DIP2B: variants seen among roughly 807,000 people sequenced by gnomAD.
DIP2B encodes disco-interacting protein 2 homolog B.
A neutral mutation model predicts 198.0 loss-of-function variants in DIP2B; 76 were observed. That is an observed-to-expected ratio of 0.38 (90% CI 0.32 to 0.46). The LOEUF is 0.46. Among genes scored for constraint, DIP2B ranks in the 20% least tolerant of loss-of-function variants. DIP2B has a pLI of 0.99. For synonymous variants in DIP2B, 701 were observed against 739.1 expected, an observed-to-expected ratio of 0.95 and a Z score of 0.84; for missense variants, 1,559 against 1,978.4, an observed-to-expected ratio of 0.79 and a Z score of 4.02.
At chr12:50,528,594 C>T (rs543143944) in intron 1 of DIP2B, among the ~76,000 whole-genome samples, 5 of 152,098 alleles carry the variant, frequency 3.3e-5, no homozygotes, top group African/African-American at 1.2e-4. Flanking sequence ...CATATGGACC[C>T]AAATGTGTTT....
intron 1 of DIP2B, among the ~76,000 whole-genome samples, chr12:50,520,425 C>T (rs975924984): frequency 1.3e-5 from 2 of 152,150 alleles, no homozygotes; most frequent in African/African-American, 4.8e-5. Flanking sequence ...GTGACAAAGG[C>T]AAAGACACTG....
At chr12:50,556,810 A>G (rs1165233675) in intron 1 of DIP2B, among the ~76,000 whole-genome samples, 2 of 152,028 alleles carry the variant, frequency 1.3e-5, no homozygotes, top group Non-Finnish European at 2.9e-5. Flanking sequence ...CCCAGGTTCA[A>G]GTGATTCTCC....
intron 1 of DIP2B, among the ~76,000 whole-genome samples, chr12:50,531,062 T>C (rs575595892): frequency 2.0e-5 from 3 of 152,254 alleles, no homozygotes; most frequent in African/African-American, 7.2e-5. Flanking sequence ...ATTATATATG[T>C]TGAGATGGAG....
At chr12:50,632,529 T>G (rs1253637027) in intron 2 of DIP2B, among the ~76,000 whole-genome samples, 1 of 150,128 alleles carries the variant, frequency 6.7e-6, no homozygotes, top group Non-Finnish European at 1.5e-5. Flanking sequence ...TTTTATTTAT[T>G]TTTTATTATT....
chr12:50,659,903 C>T (rs1938615620), intron 3 of DIP2B, among the ~76,000 whole-genome samples: 1 of 151,974 alleles, frequency 6.6e-6, no homozygotes, highest in Non-Finnish European at 1.5e-5. Context: ...AGTATTCTGT[C>T]CCCACCCACC....
At position 50,671,191 on chromosome 12, in the gene DIP2B, T is replaced by C; in HGVS notation, c.433T>C (p.Ser145Pro). ...PADACTPPDT[S>P]SASEDEGSLR... is the part of the protein sequence containing the mutation. Reference sequence around the variant, plus strand: ...TTTTTTCTAATTCCACACAGACACATCTTCGGCCTCTGAGGATGAGGGCTC... The same window carrying C: ...TTTTTTCTAATTCCACACAGACACACCTTCGGCCTCTGAGGATGAGGGCTC... The change falls in exon 5 of 38, where the codon TCT becomes CCT. Residue 145 changes from serine to proline, a missense_variant. Coordinates refer to ENST00000301180, the MANE Select transcript of DIP2B (RefSeq NM_173602.3). 2 of 1,614,090 alleles carry C rather than the reference T, an allele frequency of 1.2e-6. No individual in the cohort carries two copies. Among genetic ancestry groups the C allele is most frequent in the Non-Finnish European group, 1.7e-6 (2 of 1,180,024 alleles).
intron 17 of DIP2B, among the ~76,000 whole-genome samples, chr12:50,697,533 CTTTTTTTTTT>C (rs11306905): frequency 3.0e-4 from 14 of 45,960 alleles, no homozygotes; most frequent in South Asian, 2.4e-3. Flanking sequence ...TATAGATATA[CTTTTTTTTTT>C]TTTTTTTTTT....
chr12:50,625,641 G>A (rs950575463), intron 1 of DIP2B, among the ~76,000 whole-genome samples: 2 of 152,170 alleles, frequency 1.3e-5, no homozygotes, highest in South Asian at 2.1e-4. Context: ...GAGAGAAATC[G>A]TTGTCAGCCT....
intron 2 of DIP2B, among the ~76,000 whole-genome samples, chr12:50,633,921 A>G (rs922238219): frequency 2.0e-5 from 3 of 152,224 alleles, no homozygotes; most frequent in Non-Finnish European, 2.9e-5. Context: ...AACAAGAGCC[A>G]TACCTTATCT....
intron 1 of DIP2B, among the ~76,000 whole-genome samples, chr12:50,512,993 C>G (rs113539576): frequency 1.4e-3 from 207 of 152,182 alleles, no homozygotes; most frequent in African/African-American, 4.8e-3. Flanking sequence ...GGCGACAGAG[C>G]GAGACACCAT....
At chr12:50,535,765 C>T (rs9738596) in intron 1 of DIP2B, among the ~76,000 whole-genome samples, 1 of 151,134 alleles carries the variant, frequency 6.6e-6, no homozygotes, top group Non-Finnish European at 1.5e-5. Context: ...AGTTACATAT[C>T]TATACATGTG....
intron 6 of DIP2B, 22 bp from the exon 7 acceptor site, chr12:50,675,307 T>G: frequency 6.2e-7 from 1 of 1,607,318 alleles, no homozygotes; most frequent in South Asian, 1.1e-5. Flanking sequence ...GAATTTTAAC[T>G]TAACCATTTT....
In DIP2B at chr12:50,660,194, A is replaced by G. The variant is rs1361699428; in HGVS notation, c.302A>G (p.Asp101Gly). The G allele has an allele frequency of 6.2e-7, 1 of 1,603,550 alleles. No homozygotes were observed. The change falls in exon 4 of 38, where the codon GAT becomes GGT. Residue 101 changes from aspartate (D) to glycine (G), a missense_variant and splice_region_variant. Coordinates refer to ENST00000301180, the MANE Select transcript of DIP2B (RefSeq NM_173602.3). Reference protein sequence around the residue: ...GGARDERYRSDIHTEAVQAAL... With the variant: ...GGARDERYRSGIHTEAVQAAL... Reference sequence around the variant, plus strand: ...TAAATGCAAATGTTTGCTTTTTCAGATATCCACACAGAAGCAGTTCAGGCT... The same window carrying G: ...TAAATGCAAATGTTTGCTTTTTCAGGTATCCACACAGAAGCAGTTCAGGCT...
chr12:50,646,154 C>T (rs1938346197), intron 3 of DIP2B, among the ~76,000 whole-genome samples: 2 of 152,022 alleles, frequency 1.3e-5, no homozygotes, highest in South Asian at 2.1e-4. Flanking sequence ...GACGGAGTCT[C>T]ACTCTGTTGC....
chr12:50,740,429 C>G (rs1004548632), intron 36 of DIP2B, among the ~76,000 whole-genome samples: 1 of 152,192 alleles, frequency 6.6e-6, no homozygotes, highest in Admixed American at 6.5e-5. Flanking sequence ...ATGGGGATGA[C>G]TGTGTTTCTT....
intron 19 of DIP2B, among the ~76,000 whole-genome samples, chr12:50,699,924 C>CA (rs1939389377): frequency 6.6e-6 from 1 of 150,776 alleles, no homozygotes; most frequent in Non-Finnish European, 1.5e-5. Context: ...AGAGGCCTCA[C>CA]AAAAATTCAC....
In DIP2B at chr12:50,714,551, C is replaced by T. The variant is rs1399991553; in HGVS notation, c.2806C>T (p.His936Tyr). Reference sequence around the variant, plus strand: ...TCCTTGCAACATCCTCATGTGCCCCCATACATGTGTGACAAACTTGCCAAA... The same window carrying T: ...TCCTTGCAACATCCTCATGTGCCCCTATACATGTGTGACAAACTTGCCAAA... ...LHPCNILMCP[H>Y]TCVTNLPKPR... is the part of the protein sequence containing the mutation. The change falls in exon 23 of 38, where the codon CAT becomes TAT. Residue 936 changes from histidine (H) to tyrosine (Y), a missense_variant. By Grantham distance (83) the His-to-Tyr change is moderately conservative (BLOSUM62 2). Coordinates refer to ENST00000301180, the MANE Select transcript of DIP2B (RefSeq NM_173602.3). 3 of 1,614,124 alleles carry T rather than the reference C, an allele frequency of 1.9e-6. No individual in the cohort carries two copies. The highest frequency in any genetic ancestry group is 1.7e-5 in the Admixed American group (1 of 60,018).
At chr12:50,552,795 C>A (rs767875529) in intron 1 of DIP2B, among the ~76,000 whole-genome samples, 58 of 151,800 alleles carry the variant, frequency 3.8e-4, no homozygotes, top group Non-Finnish European at 7.4e-4. Context: ...CTTTTTTAAA[C>A]GTTTTTTAAA....
At chr12:50,600,894 T>TCACCACCACCAC (rs34616785) in intron 1 of DIP2B, among the ~76,000 whole-genome samples, 65 of 121,498 alleles carry the variant, frequency 5.3e-4, no homozygotes, top group African/African-American at 7.6e-4. Context: ...ATGACCACCA[T>TCACCACCACCAC]CACCACCACC....
Sources: gnomAD v4.1 joint callset for allele counts (sites outside exome capture counted in the v4.1 genomes callset) on GRCh38, gnomAD v4.1.1 for gene constraint, MANE v1.5 for transcripts, NCBI Gene and HGNC (gene_info 2026-07-23, HGNC 2026-07-21) for gene names.